Variants in ERMP1 observed in about 807,000 individuals in gnomAD.
ERMP1 encodes endoplasmic reticulum metallopeptidase 1, also known as Felix-ina.
A neutral mutation model predicts 92.0 loss-of-function variants in ERMP1; 86 were observed. That is an observed-to-expected ratio of 0.93 (90% CI 0.79 to 1.12). The LOEUF (loss-of-function observed/expected upper bound fraction) is 1.12. Ranked by LOEUF, ERMP1 falls within the 50% of genes most tolerant of loss-of-function variation. The probability of loss-of-function intolerance (pLI) is 0.00; values close to 1 mark genes in which losing one functional copy is unlikely to be tolerated. For synonymous variants in ERMP1, 530 were observed against 412.8 expected, an observed-to-expected ratio of 1.28 and a Z score of -3.44; for missense variants, 1,342 against 1,116.3, an observed-to-expected ratio of 1.20 and a Z score of -2.88.
At position 5,787,432 on chromosome 9, in the gene ERMP1, G is replaced by A. The variant is rs1827990529; in HGVS notation, c.2548C>T (p.Gln850Ter). ...AAACAATGCTGGGAAATTGGCACCT[G>A]CACTTCTATCCAGAACTGCCATGCA... Reference protein sequence around the residue: ...ASAWQFWIEVQVSEEHPEGMV... With the variant: ...ASAWQFWIEV Residue 850 changes from glutamine to a stop codon, truncating the protein, a stop_gained and splice_region_variant, in exon 14 of 15, where the codon CAG becomes TAG. Transcript: ENST00000339450. LOFTEE classifies it high-confidence loss of function. 6.2e-7 allele frequency: 1 copy of A among 1,612,020 alleles called. No homozygotes were observed. Among genetic ancestry groups the A allele is most frequent in the Non-Finnish European group, 8.5e-7 (1 of 1,179,348 alleles).
intron 8 of ERMP1, among the ~76,000 whole-genome samples, chr9:5,809,566 A>G (rs1024938813): frequency 6.6e-6 from 1 of 152,242 alleles, no homozygotes; most frequent in Non-Finnish European, 1.5e-5. Context: ...CTTTTAGGCA[A>G]CAAATACTTG....
At chr9:5,822,577 G>C (rs978789051) in intron 4 of ERMP1, among the ~76,000 whole-genome samples, 1 of 152,162 alleles carries the variant, frequency 6.6e-6, no homozygotes, top group Non-Finnish European at 1.5e-5. Flanking sequence ...GGTCTTAAGA[G>C]GGTGCTACAA....
intron 13 of ERMP1, among the ~76,000 whole-genome samples, chr9:5,790,346 G>C (rs916005976): frequency 6.6e-6 from 1 of 151,880 alleles, no homozygotes; most frequent in Non-Finnish European, 1.5e-5. Flanking sequence ...ATGTTTTAAA[G>C]AGCATAGAAG....
intron 5 of ERMP1, among the ~76,000 whole-genome samples, chr9:5,812,456 A>C (rs895720469): frequency 3.9e-5 from 6 of 152,222 alleles, no homozygotes; most frequent in African/African-American, 1.2e-4. Flanking sequence ...GGTAGGCATT[A>C]CAAGTCACAC....
intron 5 of ERMP1, among the ~76,000 whole-genome samples, chr9:5,862,045 A>G (rs1830512876): frequency 6.6e-6 from 1 of 151,904 alleles, no homozygotes; most frequent in Admixed American, 6.6e-5. Context: ...GTATTTATTT[A>G]TTGAGACAGG....
chr9:5,819,315 C>G (rs1009282012), intron 4 of ERMP1, among the ~76,000 whole-genome samples: 1 of 152,076 alleles, frequency 6.6e-6, no homozygotes, highest in African/African-American at 2.4e-5. Flanking sequence ...GACTCACTTG[C>G]GTTAAAAACT....
In ERMP1 at chr9:5,797,841, T is replaced by G. The variant is rs142701582; in HGVS notation, c.2362A>C (p.Ile788Leu). The G allele has an allele frequency of 4.4e-6, 7 of 1,606,650 alleles. No homozygotes were observed. ...CCTGTTGCTTCAAAAGTCAATTTTA[T>G]AGAATCCCAAGGTGTCTGTTCTTTG... is the stretch of plus-strand genomic sequence containing the variant. The part of the protein sequence containing the change: ...ISKEQTPWDS[I>L]KLTFEATGPS... The change falls in exon 13 of 15, where the codon ATA becomes CTA. Residue 788 changes from isoleucine to leucine, a missense_variant. By Grantham distance (5) the Ile-to-Leu change is conservative (BLOSUM62 2). Coordinates refer to ENST00000339450, the MANE Select transcript of ERMP1 (RefSeq NM_024896.3).
chr9:5,798,276 G>C (rs1433796991), intron 12 of ERMP1, among the ~76,000 whole-genome samples: 1 of 152,074 alleles, frequency 6.6e-6, no homozygotes, highest in Non-Finnish European at 1.5e-5. Context: ...GAGTGAAATG[G>C]CGCGATATCG....
chr9:5,865,205 T>C (rs948842800), intron 5 of ERMP1, among the ~76,000 whole-genome samples: 1 of 152,172 alleles, frequency 6.6e-6, no homozygotes, highest in Admixed American at 6.5e-5. Context: ...TGCCCAATCA[T>C]ACTTTAAAAT....
At chr9:5,822,528 A>C (rs1029492288) in intron 4 of ERMP1, among the ~76,000 whole-genome samples, 4 of 152,214 alleles carry the variant, frequency 2.6e-5, no homozygotes, top group African/African-American at 9.6e-5. Context: ...TAGGTTATGA[A>C]GACATACTTA....
chr9:5,845,323 G>A (rs560211208), intron 6 of ERMP1, among the ~76,000 whole-genome samples: 64 of 152,198 alleles, frequency 4.2e-4, no homozygotes, highest in African/African-American at 1.4e-3. Flanking sequence ...AGCTACTTGG[G>A]AGGCCAAGGC....
chr9:5,804,358 C>T (rs1828790223), intron 10 of ERMP1, among the ~76,000 whole-genome samples: 1 of 152,120 alleles, frequency 6.6e-6, no homozygotes, highest in South Asian at 2.1e-4. Flanking sequence ...TTAAACTCTG[C>T]ATCACTGTCT....
chr9:5,830,175 C>A (rs934060476), intron 2 of ERMP1, among the ~76,000 whole-genome samples: 18 of 152,144 alleles, frequency 1.2e-4, no homozygotes, highest in Non-Finnish European at 2.4e-4. Flanking sequence ...AATTTGTAAA[C>A]TTTCTTAAAA....
chr9:5,835,362 A>ATG (rs372626830), upstream of ERMP1, among the ~76,000 whole-genome samples: 1,432 of 118,054 alleles, frequency 0.012, 27 homozygotes, highest in African/African-American at 0.036. Context: ...GCGCGCGCGC[A>ATG]TGTGTGTGTG....
rs1362515104 is a variant in ERMP1 at position 5,811,137 on chromosome 9, T to C, written c.1301A>G (p.Lys434Arg). The C allele has an allele frequency of 3.1e-6, 5 of 1,613,864 alleles. No individual in the cohort carries two copies. The highest frequency in any genetic ancestry group is 4.2e-6 in the Non-Finnish European group (5 of 1,179,924). ...CTTATGTTTGGGCTGCAAAAATTTT[T>C]TGCCCAGGTACAAAACAACACCCAT... Reference protein sequence around the residue: ...VVMGVVLYLGKKFLQPKHKTG... With the variant: ...VVMGVVLYLGRKFLQPKHKTG... The change falls in exon 7 of 15, where the codon AAA (lysine) becomes AGA (arginine). Residue 434 changes from lysine to arginine, a missense_variant. Transcript: ENST00000339450.
chr9:5,801,422 AAC>A, intron 10 of ERMP1, 94 bp from the exon 11 acceptor site: 1 of 1,245,288 alleles, frequency 8.0e-7, no homozygotes, highest in South Asian at 1.5e-5. Context: ...AGTATTACCT[AAC>A]AGCCCCTGAA....
intron 4 of ERMP1, among the ~76,000 whole-genome samples, chr9:5,816,406 A>T (rs1016321634): frequency 4.6e-5 from 7 of 152,356 alleles, no homozygotes; most frequent in Admixed American, 2.0e-4. Context: ...TTATTCTGAT[A>T]ATGTAGTGAA....
At chr9:5,853,659 C>T (rs1010390308) in intron 6 of ERMP1, among the ~76,000 whole-genome samples, 32 of 151,922 alleles carry the variant, frequency 2.1e-4, no homozygotes, top group Admixed American at 5.9e-4. Flanking sequence ...ACAAGTGCTC[C>T]GTGCCTACCC....
chr9:5,860,840 C>CCAGTAAT (rs1417996667), intron 5 of ERMP1, among the ~76,000 whole-genome samples: 1 of 152,000 alleles, frequency 6.6e-6, no homozygotes, highest in African/African-American at 2.4e-5. Context: ...CCTCAGTCTC[C>CCAGTAAT]CAGTAATCAT....
Sources: allele counts gnomAD v4.1 joint callset (sites outside exome capture counted in the v4.1 genomes callset), GRCh38; gene constraint gnomAD v4.1.1; transcripts MANE v1.5; gene names NCBI Gene and HGNC (gene_info 2026-07-23, HGNC 2026-07-21).